TRERF1: variants seen among roughly 807,000 people sequenced by gnomAD.
TRERF1 encodes the protein transcriptional-regulating factor 1.
Under a neutral mutation model 122.9 loss-of-function variants are expected in TRERF1, and 27 were observed. That is an observed-to-expected ratio of 0.22 (90% CI 0.16 to 0.30). The LOEUF (loss-of-function observed/expected upper bound fraction) is 0.30, where lower values mean the gene tolerates loss of function less well. TRERF1 is among the 10% of genes least tolerant of loss of function. TRERF1 has a pLI of 1.00. For synonymous variants in TRERF1, 636 were observed against 641.7 expected (o/e 0.99, Z 0.13); for missense variants, 1,248 against 1,560.3 (o/e 0.80, Z 3.37).
At chr6:42,445,431 G>C (rs1787334915) in intron 2 of TRERF1, among the ~76,000 whole-genome samples, 2 of 150,460 alleles carry the variant, frequency 1.3e-5, no homozygotes, top group Non-Finnish European at 3.0e-5. Flanking sequence ...CTCTCTCCAC[G>C]GGCTCCTTAG....
At chr6:42,398,909 G>A (rs1478332472) in intron 2 of TRERF1, among the ~76,000 whole-genome samples, 1 of 152,222 alleles carries the variant, frequency 6.6e-6, no homozygotes, top group Non-Finnish European at 1.5e-5. Flanking sequence ...ATGCTCTGGG[G>A]AGCAGCAGAA....
chr6:42,311,906 G>A (rs1761734364), intron 3 of TRERF1, among the ~76,000 whole-genome samples: 1 of 152,032 alleles, frequency 6.6e-6, no homozygotes, highest in East Asian at 1.9e-4. Context: ...CCAAGTAAGA[G>A]AGGGTGCTGG....
chr6:42,260,379 C>T (rs1460981984), intron 8 of TRERF1, among the ~76,000 whole-genome samples: 1 of 152,164 alleles, frequency 6.6e-6, no homozygotes, highest in African/African-American at 2.4e-5. Flanking sequence ...TTGTAGCAAA[C>T]TCTTCTCTGA....
At chr6:42,280,625 T>C (rs886241293) in intron 4 of TRERF1, among the ~76,000 whole-genome samples, 7 of 152,126 alleles carry the variant, frequency 4.6e-5, no homozygotes, top group African/African-American at 1.4e-4. Flanking sequence ...CATGGTGCTA[T>C]GGGAGGCCAG....
chr6:42,243,465 T>C, intron 14 of TRERF1, 104 bp from the exon 15 acceptor site: 4 of 794,920 alleles, frequency 5.0e-6, no homozygotes, highest in Non-Finnish European at 8.3e-6. Flanking sequence ...TAAACAAGTT[T>C]GTACAGTTCA....
At chr6:42,315,475 T>C (rs1481474103) in intron 3 of TRERF1, among the ~76,000 whole-genome samples, 1 of 151,992 alleles carries the variant, frequency 6.6e-6, no homozygotes, top group Non-Finnish European at 1.5e-5. Flanking sequence ...GTATGGCACA[T>C]TGGGATGAAA....
chr6:42,236,710 C>T (rs112689407), intron 15 of TRERF1, among the ~76,000 whole-genome samples: 7 of 152,278 alleles, frequency 4.6e-5, no homozygotes, highest in African/African-American at 1.4e-4. Flanking sequence ...CAAGGATTCC[C>T]CACCTTGTTC....
chr6:42,248,343 A>C (rs1775165034), intron 13 of TRERF1, among the ~76,000 whole-genome samples: 1 of 150,022 alleles, frequency 6.7e-6, no homozygotes, highest in Non-Finnish European at 1.5e-5. Context: ...TTTGGTTTGC[A>C]AACTTATCTT....
intron 4 of TRERF1, among the ~76,000 whole-genome samples, chr6:42,283,573 T>C (rs889413924): frequency 1.3e-5 from 2 of 149,182 alleles, no homozygotes; most frequent in South Asian, 2.1e-4. Context: ...ATACATTACT[T>C]ACAAAAAAAA....
intron 2 of TRERF1, among the ~76,000 whole-genome samples, chr6:42,401,781 C>T (rs760739921): frequency 1.8e-4 from 28 of 152,306 alleles, no homozygotes; most frequent in Middle Eastern, 6.8e-3. Context: ...CAGTTCTTCA[C>T]AACTGAGTTC....
At position 42,263,612 on chromosome 6, in the gene TRERF1, C is replaced by G. The variant is rs764480848; in HGVS notation, c.1636-44G>C. 3.4e-6 allele frequency: 5 copies of G among 1,450,988 alleles called. No homozygotes were observed. Among genetic ancestry groups the G allele is most frequent in the Non-Finnish European group, 4.6e-6 (5 of 1,096,784 alleles). 89.9% of individuals were successfully genotyped at this position (1,450,988 alleles called of 1,614,324 possible). A position where few individuals can be genotyped will look rare whatever the true frequency, so the allele number is the denominator to read the frequency against. On this transcript the variant is annotated intron_variant, in intron 7 of 17. Coordinates refer to ENST00000372922, the Ensembl canonical transcript of TRERF1. This position sits in a 1 kb window ranked among gnomAD's most constrained non-coding sequence, Gnocchi z 5.6. ...CTTTGATCCTGGGCTGAGAGCAGCT[C>G]TCACAAGGGGGATGCACTTTGCTTT... is the stretch of plus-strand genomic sequence containing the variant.
intron 4 of TRERF1, among the ~76,000 whole-genome samples, chr6:42,300,053 G>T (rs1182211981): frequency 6.6e-6 from 1 of 152,222 alleles, no homozygotes; most frequent in Non-Finnish European, 1.5e-5. Flanking sequence ...GAAAGACGGA[G>T]TCATGACAGC....
chr6:42,352,308 CT>C (rs1454192833), intron 3 of TRERF1, among the ~76,000 whole-genome samples: 2 of 152,210 alleles, frequency 1.3e-5, no homozygotes, highest in African/African-American at 4.8e-5. Flanking sequence ...TAATTTCGTG[CT>C]TTAATGGTTT....
At chr6:42,407,102 T>C (rs568882492) in intron 2 of TRERF1, among the ~76,000 whole-genome samples, 1 of 152,292 alleles carries the variant, frequency 6.6e-6, no homozygotes, top group East Asian at 1.9e-4. Context: ...CCCCAAAGTG[T>C]CCTAAACACA....
rs547482790 is a variant in TRERF1 at position 42,335,709 on chromosome 6, C to T, written c.-371+27288G>A. 8.4e-4 allele frequency among the ~76,000 whole-genome samples: 128 copies of T among 152,272 alleles called. 1 individual carries two copies. Among genetic ancestry groups the T allele is most frequent in the Non-Finnish European group, 2.1e-4 (14 of 68,030 alleles). On this transcript the variant is annotated intron_variant, in intron 3 of 17. Transcript: ENST00000372922. ...CTGCCCTCCTCTTCAACTGTCCTGC[C>T]AACCTGGTCAGCACCTGGTCCAACT...
At chr6:42,331,076 C>T (rs1765157736) in intron 3 of TRERF1, among the ~76,000 whole-genome samples, 1 of 152,096 alleles carries the variant, frequency 6.6e-6, no homozygotes, top group Admixed American at 6.6e-5. Context: ...GAATGGAATT[C>T]GACAAAGCTC....
In TRERF1 at chr6:42,259,391, C is replaced by T. The variant is rs200694799; in HGVS notation, c.2217G>A (p.Gln739=). The change falls in exon 9 of 18, where the codon CAG becomes CAA. Residue 739 remains glutamine (Q), a synonymous_variant. Coordinates refer to ENST00000372922, the Ensembl canonical transcript of TRERF1. This position sits in a 1 kb window ranked among gnomAD's most constrained non-coding sequence, Gnocchi z 4.9. ...TGGGCGTCAGGGGCGTCAGGGGCAG[C>T]TGCGGGTGGGCGCCAGGGCCGTGGC... is the stretch of plus-strand genomic sequence containing the variant. The T allele has an allele frequency of 5.9e-6, 9 of 1,529,540 alleles. No homozygotes were observed. The highest frequency in any genetic ancestry group is 7.8e-6 in the Non-Finnish European group (9 of 1,148,184). The allele number at this position is 1,529,540 out of a possible 1,614,324, so 94.7% of individuals were successfully genotyped here. A position where few individuals can be genotyped will look rare whatever the true frequency, so the allele number is the denominator to read the frequency against.
chr6:42,328,004 C>CTTTTTT (rs36069546), intron 3 of TRERF1, among the ~76,000 whole-genome samples: 1 of 108,004 alleles, frequency 9.3e-6, no homozygotes, highest in African/African-American at 3.4e-5. Context: ...TTCTTTCTTT[C>CTTTTTT]TTTTTTTTTT....
At chr6:42,305,689 T>C (rs1787082881) in intron 3 of TRERF1, among the ~76,000 whole-genome samples, 1 of 151,984 alleles carries the variant, frequency 6.6e-6, no homozygotes, top group South Asian at 2.1e-4. Flanking sequence ...ATTCCCTCCA[T>C]GCCACCCACA....
Sources: allele counts gnomAD v4.1 joint callset (sites outside exome capture counted in the v4.1 genomes callset), GRCh38; gene constraint gnomAD v4.1.1; non-coding constraint Gnocchi (gnomAD v3.1); transcripts MANE v1.5; gene names NCBI Gene and HGNC (gene_info 2026-07-23, HGNC 2026-07-21).